SLC26A9: variants seen among roughly 807,000 people sequenced by gnomAD.
SLC26A9 encodes the protein anion transporter/exchanger protein 9.
Under a neutral mutation model 87.1 loss-of-function variants are expected in SLC26A9, and 46 were observed. The observed-to-expected ratio is 0.53, with a 90% CI of 0.42 to 0.67. The LOEUF (loss-of-function observed/expected upper bound fraction) is 0.67. Ranked by LOEUF, SLC26A9 falls within the 30% of genes least tolerant of loss-of-function variation. The probability of loss-of-function intolerance (pLI) is 0.00; values close to 1 mark genes in which losing one functional copy is unlikely to be tolerated. For synonymous variants in SLC26A9, 437 were observed against 409.1 expected (o/e 1.07, Z -0.82); for missense variants, 927 against 1,018.3 (o/e 0.91, Z 1.22).
intron 13 of SLC26A9, among the ~76,000 whole-genome samples, chr1:205,923,941 C>T (rs1658955040): frequency 6.6e-6 from 1 of 152,184 alleles, no homozygotes; most frequent in African/African-American, 2.4e-5. Context: ...ATTCCCCCAA[C>T]ATTCAGCGTA....
At position 205,915,221 on chromosome 1, in the gene SLC26A9, G is replaced by A. The variant is rs894457133; in HGVS notation, c.*136C>T. Reference sequence around the variant, plus strand: ...GGAGGGAAGGAAGGGAGGAGAGAGGGGGAGAGGAGAGAGGAACCCAAGCTC... The same window carrying A: ...GGAGGGAAGGAAGGGAGGAGAGAGGAGGAGAGGAGAGAGGAACCCAAGCTC... On this transcript the variant is annotated 3_prime_UTR_variant, in exon 21 of 21. Transcript: ENST00000367135. 5 of 1,605,328 alleles carry A rather than the reference G, an allele frequency of 3.1e-6. No individual in the cohort carries two copies. Among genetic ancestry groups the A allele is most frequent in the Non-Finnish European group, 4.3e-6 (5 of 1,174,612 alleles).
At chr1:205,925,374 G>A (rs2102582973) in intron 12 of SLC26A9, among the ~76,000 whole-genome samples, 1 of 152,246 alleles carries the variant, frequency 6.6e-6, no homozygotes, top group Middle Eastern at 3.4e-3. Flanking sequence ...TAGATTTTAA[G>A]ACCTGGAAAT....
In SLC26A9 at chr1:205,917,268, C is replaced by T. The variant is rs1418669759; in HGVS notation, c.2328+15G>A. ...CGCCCTGCTCCCACCCTCACAGCCC[C>T]TTCCCTCAGCTCACCTGCTCTAAGT... On this transcript the variant is annotated intron_variant, in intron 20 of 20. Transcript: ENST00000367135. 1 of 1,613,994 alleles carries T rather than the reference C, an allele frequency of 6.2e-7. No homozygotes were observed. Among genetic ancestry groups the T allele is most frequent in the Non-Finnish European group, 8.5e-7 (1 of 1,179,960 alleles).
chr1:205,929,257 T>C lies in SLC26A9; in HGVS notation c.817A>G (p.Asn273Asp), dbSNP rs1393323964. 1 of 1,614,186 alleles carries C rather than the reference T, an allele frequency of 6.2e-7. No individual in the cohort carries two copies. Among genetic ancestry groups the C allele is most frequent in the Admixed American group, 1.7e-5 (1 of 60,022 alleles). Reference protein sequence around the residue: ...GAFLVLVKELNARYMHKIRFP... With the variant: ...GAFLVLVKELDARYMHKIRFP... ...CGAATCTTGTGCATGTAGCGAGCATTGAGCTCCTTCACCAGCACCAGGAAG... is the reference window on the plus strand; with the variant it reads ...CGAATCTTGTGCATGTAGCGAGCATCGAGCTCCTTCACCAGCACCAGGAAG... Residue 273 changes from asparagine to aspartate, a missense_variant, in exon 7 of 21, where the codon AAT becomes GAT. Coordinates refer to ENST00000367135, the MANE Select transcript of SLC26A9 (RefSeq NM_052934.4).
chr1:205,934,721 C>T (rs188244251), intron 2 of SLC26A9, among the ~76,000 whole-genome samples: 1 of 152,344 alleles, frequency 6.6e-6, no homozygotes, highest in African/African-American at 2.4e-5. Flanking sequence ...AATAGCAGAT[C>T]TTCTCATCCT....
At position 205,917,354 on chromosome 1, in the gene SLC26A9, C is replaced by T. The variant is rs761560369; in HGVS notation, c.2257G>A (p.Ala753Thr). 1 of 1,613,936 alleles carries T rather than the reference C, an allele frequency of 6.2e-7. No homozygotes were observed. Among genetic ancestry groups the T allele is most frequent in the East Asian group, 2.2e-5 (1 of 44,870 alleles). ...DVTPGHNFQG[A>T]PGDAELSLYD... ...AAGGAGAGCTCAGCATCCCCTGGAG[C>T]CTGGAAGGGAGGAAGCCAGTGCAGA... is the stretch of plus-strand genomic sequence containing the variant. The change falls in exon 20 of 21, where the codon GCT (alanine) becomes ACT (threonine). Residue 753 changes from alanine (A) to threonine (T), a missense_variant and splice_region_variant. Physicochemically the swap from Ala to Thr is moderately conservative, Grantham distance 58. Transcript: ENST00000367135.
At chr1:205,915,518 CTGTG>C (rs113527464) in intron 20 of SLC26A9, 114 bp from the exon 21 acceptor site, 336,716 of 865,006 alleles carry the variant, frequency 0.39, 37,958 homozygotes, top group Admixed American at 0.45. Context: ...AACAAAGCAC[CTGTG>C]TGTGTGTGTG....
intron 1 of SLC26A9, among the ~76,000 whole-genome samples, chr1:205,936,530 C>T (rs1047718082): frequency 6.6e-6 from 1 of 152,116 alleles, no homozygotes; most frequent in Admixed American, 6.5e-5. Flanking sequence ...ACCTGGCTGA[C>T]GTTCCAGGAG....
chr1:205,921,744 G>A lies in SLC26A9; in HGVS notation c.1877C>T (p.Thr626Ile). 6.3e-7 allele frequency: 1 copy of A among 1,594,770 alleles called. No homozygotes were observed. Among genetic ancestry groups the A allele is most frequent in the Non-Finnish European group, 8.5e-7 (1 of 1,170,782 alleles). Reference protein sequence around the residue: ...PANGTSVSYITFSPDSSSPAQ... With the variant: ...PANGTSVSYIIFSPDSSSPAQ... ...AGGTGAGGAGCTGTCAGGGCTGAAG[G>A]TGATATAGGACACGCTGGTGCCGTT... The change falls in exon 17 of 21, where the codon ACC (threonine) becomes ATC (isoleucine). Residue 626 changes from threonine to isoleucine, a missense_variant. Transcript: ENST00000367135.
chr1:205,931,201 G>A (rs1387688529), intron 5 of SLC26A9, among the ~76,000 whole-genome samples: 1 of 152,216 alleles, frequency 6.6e-6, no homozygotes, highest in Admixed American at 6.5e-5. Context: ...GTGGCTTGGA[G>A]CAGAGGAGGC....
rs968155791 is a variant in SLC26A9, at chr1:205,927,635, G to C, written c.1102-30C>G. The C allele has an allele frequency of 1.3e-5, 21 of 1,599,540 alleles. No individual in the cohort carries two copies. In the African/African-American group the frequency reaches 1.5e-4, roughly 11 times the overall value. On this transcript the variant is annotated intron_variant, in intron 9 of 20. Transcript: ENST00000367135. The stretch of plus-strand genomic sequence containing the variant: ...AGGGAGGGGACAGGATTAGAAGCCA[G>C]TGTGGGGCTGGGGGGCACGGGGACC...
At chr1:205,915,486 G>C in intron 20 of SLC26A9, 82 bp from the exon 21 acceptor site, 2 of 1,589,208 alleles carry the variant, frequency 1.3e-6, no homozygotes, top group Admixed American at 3.4e-5. Flanking sequence ...ACCAAGAGGT[G>C]ACCCTAGGAA....
Position 205,927,938 on chromosome 1 carries a change from C to G in SLC26A9, c.1065G>C (p.Leu355=). 6.2e-7 allele frequency: 1 copy of G among 1,614,162 alleles called. No homozygotes were observed. Among genetic ancestry groups the G allele is most frequent in the South Asian group, 1.1e-5 (1 of 91,080 alleles). ...YVINLAMGRT[L]ANKHGYDVDS... ...CCACGTCGTAGCCGTGCTTGTTGGC[C>G]AGGGTCCGGCCCATAGCCAGGTTGA... Residue 355 remains leucine, a synonymous_variant, in exon 9 of 21, where the codon CTG becomes CTC. Coordinates refer to ENST00000367135, the MANE Select transcript of SLC26A9 (RefSeq NM_052934.4).
At position 205,915,146 on chromosome 1, in the gene SLC26A9, T is replaced by C. The variant is rs6669481; in HGVS notation, c.*211A>G. On this transcript the variant is annotated 3_prime_UTR_variant, in exon 21 of 21. Transcript: ENST00000367135. ...AGTGGGCTCACCAGACTCTCACTCCTGTAAGGGTAGCACCCCCCTGCTGCT... is the reference window on the plus strand; with the variant it reads ...AGTGGGCTCACCAGACTCTCACTCCCGTAAGGGTAGCACCCCCCTGCTGCT... 0.1 allele frequency: 165,727 copies of C among 1,613,058 alleles called. 13,016 individuals are homozygous for C. Among genetic ancestry groups the C allele is most frequent in the African/African-American group, 0.42 (31,160 of 74,824 alleles).
chr1:205,925,606 T>C (rs947921346), intron 12 of SLC26A9, among the ~76,000 whole-genome samples: 1 of 152,200 alleles, frequency 6.6e-6, no homozygotes, highest in African/African-American at 2.4e-5. Context: ...CTCACTTCTC[T>C]GGCTTTAAGG....
intron 1 of SLC26A9, among the ~76,000 whole-genome samples, chr1:205,940,437 G>GA (rs11435826): frequency 0.55 from 82,828 of 151,872 alleles, 23,537 homozygotes; most frequent in East Asian, 0.91. Flanking sequence ...GGCTCAGGCA[G>GA]AGACAGTGCC....
intron 8 of SLC26A9, chr1:205,928,469 C>A: frequency 2.5e-6 from 1 of 404,794 alleles, no homozygotes; most frequent in Non-Finnish European, 4.5e-6. Context: ...AGAGTGGATG[C>A]TTCATGAATC....
At chr1:205,920,419 T>G (rs1356261381) in intron 17 of SLC26A9, among the ~76,000 whole-genome samples, 189 bp from the exon 18 acceptor site, 1 of 152,218 alleles carries the variant, frequency 6.6e-6, no homozygotes, top group African/African-American at 2.4e-5. Context: ...ACGGTTTCTC[T>G]GGGAAGTGGA....
intron 18 of SLC26A9, among the ~76,000 whole-genome samples, chr1:205,919,409 G>C (rs1356717452): frequency 6.6e-6 from 1 of 152,152 alleles, no homozygotes; most frequent in Non-Finnish European, 1.5e-5. Flanking sequence ...CTGAGGGGGT[G>C]TCCAGTGAGG....
Sources: gnomAD v4.1 joint callset for allele counts (sites outside exome capture counted in the v4.1 genomes callset) on GRCh38, gnomAD v4.1.1 for gene constraint, MANE v1.5 for transcripts, NCBI Gene and HGNC (gene_info 2026-07-23, HGNC 2026-07-21) for gene names.